ASB3: variants seen among roughly 807,000 people sequenced by gnomAD.
ASB3 encodes the protein ankyrin repeat and SOCS box protein 3.
A neutral mutation model predicts 54.5 loss-of-function variants in ASB3; 41 were observed. That is an observed-to-expected ratio of 0.75 (90% CI 0.59 to 0.98). The LOEUF is 0.98. Among genes scored for constraint, ASB3 ranks in the 50% least tolerant of loss-of-function variants. The pLI is 0.00. For missense variants in ASB3, 733 were observed against 620.0 expected (o/e 1.18, Z -1.94); for synonymous variants, 266 against 221.2 (o/e 1.20, Z -1.80).
chr2:53,691,331 T>C (rs530397945), intron 9 of ASB3, among the ~76,000 whole-genome samples: 1 of 152,164 alleles, frequency 6.6e-6, no homozygotes, highest in East Asian at 1.9e-4. Context: ...AAATAAAAAA[T>C]GGGAGAAAAA....
At chr2:53,785,476 A>G (rs754005592) in intron 1 of ASB3, among the ~76,000 whole-genome samples, 17 of 152,162 alleles carry the variant, frequency 1.1e-4, no homozygotes, top group Non-Finnish European at 2.2e-4. Flanking sequence ...ATAGTTTGCA[A>G]TTATTTGTTT....
chr2:53,758,509 G>A (rs1051330163), intron 2 of ASB3, among the ~76,000 whole-genome samples: 1 of 152,168 alleles, frequency 6.6e-6, no homozygotes, highest in African/African-American at 2.4e-5. Context: ...GGGGCAGCTG[G>A]GTTGTTATAA....
chr2:53,704,725 G>A (rs1669676482), intron 7 of ASB3, among the ~76,000 whole-genome samples: 1 of 152,032 alleles, frequency 6.6e-6, no homozygotes, highest in South Asian at 2.1e-4. Flanking sequence ...CCAGACATTA[G>A]ATAATAAAAA....
chr2:53,740,490 C>T (rs966686646), intron 3 of ASB3, among the ~76,000 whole-genome samples: 1 of 152,036 alleles, frequency 6.6e-6, no homozygotes, highest in African/African-American at 2.4e-5. Context: ...TACTTATACC[C>T]AAGGCAGCAG....
In ASB3 at chr2:53,758,033, G is replaced by A. The variant is rs554159416; in HGVS notation, c.197-7092C>T. ...GACAGAGAGAGAGAGAAAAGAGAGG[G>A]AGAGAGAGAAAAAGAGAGATAGAAG... is the stretch of plus-strand genomic sequence containing the variant. On this transcript the variant is annotated intron_variant, in intron 2 of 9. Transcript: ENST00000263634. Among the ~76,000 whole-genome samples the A allele has an allele frequency of 1.8e-4, 28 of 151,556 alleles. No individual in the cohort carries two copies. The South Asian group carries it at 5.8e-3, about 31-fold the overall frequency.
chr2:53,694,143 T>C, intron 8 of ASB3, 129 bp from the exon 9 acceptor site: 12 of 1,059,880 alleles, frequency 1.1e-5, no homozygotes, highest in Non-Finnish European at 1.6e-5. Context: ...CAGGGCATGT[T>C]AAGTATTTAT....
At chr2:53,747,854 A>C (rs1215275257) in intron 3 of ASB3, among the ~76,000 whole-genome samples, 1 of 152,220 alleles carries the variant, frequency 6.6e-6, no homozygotes, top group African/African-American at 2.4e-5. Context: ...GGGCACAATA[A>C]GTCACATATG....
At chr2:53,727,196 G>T (rs1205190696) in intron 5 of ASB3, among the ~76,000 whole-genome samples, 3 of 152,012 alleles carry the variant, frequency 2.0e-5, no homozygotes, top group Non-Finnish European at 4.4e-5. Context: ...ATAATTTTGG[G>T]GATTCCTCTT....
chr2:53,706,154 A>C (rs1007280757), intron 7 of ASB3, among the ~76,000 whole-genome samples: 11 of 152,228 alleles, frequency 7.2e-5, no homozygotes, highest in African/African-American at 2.7e-4. Context: ...ATTTAGCAGA[A>C]TGAAGTGAAA....
chr2:53,708,589 G>A (rs778968173), intron 7 of ASB3, among the ~76,000 whole-genome samples: 1 of 152,198 alleles, frequency 6.6e-6, no homozygotes, highest in Non-Finnish European at 1.5e-5. Context: ...AAGACAGAAA[G>A]ATGAGGGAAA....
intron 7 of ASB3, among the ~76,000 whole-genome samples, chr2:53,704,359 CA>C (rs10547453): frequency 0.35 from 38,486 of 110,204 alleles, 4,605 homozygotes; most frequent in South Asian, 0.48. Context: ...GAGACTGTCT[CA>C]AAAAAAAAAA....
intron 1 of ASB3, among the ~76,000 whole-genome samples, chr2:53,771,118 C>A (rs535674107): frequency 6.6e-6 from 1 of 152,336 alleles, no homozygotes; most frequent in Admixed American, 6.5e-5. Flanking sequence ...TGTGGCCTAA[C>A]AATGTCTTTG....
At chr2:53,694,146 G>T in intron 8 of ASB3, 132 bp from the exon 9 acceptor site, 3 of 1,010,730 alleles carry the variant, frequency 3.0e-6, no homozygotes, top group Non-Finnish European at 4.3e-6. Flanking sequence ...GGCATGTTAA[G>T]TATTTATGTA....
chr2:53,670,819 T>C, intron 9 of ASB3, 129 bp from the exon 10 acceptor site: 1 of 1,040,674 alleles, frequency 9.6e-7, no homozygotes, highest in Non-Finnish European at 1.4e-6. Flanking sequence ...AAGACTACTT[T>C]GAGTCAGTAT....
Position 53,786,845 on chromosome 2 carries a change from GA to G in ASB3, c.-39del, listed in dbSNP as rs1380275999. On this transcript the variant is annotated 5_prime_UTR_variant, in exon 1 of 10. Transcript: ENST00000263634. ...CCTGCCGTGCTGCCACTTCTACACC[GA>G]AATGGCTGGTCCGAGGCCGCGTCTC... The G allele has an allele frequency of 9.0e-6, 2 of 221,582 alleles. No individual in the cohort carries two copies. The highest frequency in any genetic ancestry group is 4.6e-5 in the African/African-American group (2 of 43,820). 13.7% of individuals were successfully genotyped at this position (221,582 alleles called of 1,614,324 possible). A position where few individuals can be genotyped will look rare whatever the true frequency, so the allele number is the denominator to read the frequency against.
chr2:53,758,010 C>CAG (rs1029721743), intron 2 of ASB3, among the ~76,000 whole-genome samples: 1 of 151,018 alleles, frequency 6.6e-6, no homozygotes. Flanking sequence ...AGAGAAGAGA[C>CAG]AGAGAGAGAG....
intron 7 of ASB3, among the ~76,000 whole-genome samples, chr2:53,712,802 A>C (rs1023398036): frequency 6.6e-6 from 1 of 152,168 alleles, no homozygotes; most frequent in Admixed American, 6.5e-5. Context: ...AAATCATTAT[A>C]TTCTGGTCTA....
chr2:53,759,529 C>G (rs769657208), intron 2 of ASB3, among the ~76,000 whole-genome samples: 19 of 152,214 alleles, frequency 1.2e-4, no homozygotes, highest in Middle Eastern at 3.4e-3. Flanking sequence ...TTGGCAACCT[C>G]AGTTTTTTAT....
chr2:53,728,588 T>TAAA, intron 5 of ASB3, 124 bp downstream of exon 5: 1 of 1,258,438 alleles, frequency 7.9e-7, no homozygotes, highest in Admixed American at 2.9e-5. Context: ...TACTCTTATT[T>TAAA]ACCACTTACA....
Sources: allele counts gnomAD v4.1 joint callset (sites outside exome capture counted in the v4.1 genomes callset), GRCh38; gene constraint gnomAD v4.1.1; transcripts MANE v1.5; gene names NCBI Gene and HGNC (gene_info 2026-07-23, HGNC 2026-07-21).